The following DNMT3A variants were observed in gnomAD, a reference collection of about 807,000 sequenced individuals.
DNMT3A encodes the protein DNA methyltransferase 3 alpha, also known as DNA (cytosine-5)-methyltransferase 3A.
A neutral mutation model predicts 117.6 loss-of-function variants in DNMT3A; 267 were observed. The ratio of observed to expected loss-of-function variants is 2.27; its 90% CI spans 2.05 to 2.51. DNMT3A has a LOEUF of 2.51. Among genes scored for constraint, DNMT3A ranks in the 30% most tolerant of loss-of-function variants. DNMT3A has a pLI of 0.00. For synonymous variants in DNMT3A, 432 were observed against 474.8 expected, an observed-to-expected ratio of 0.91 and a Z score of 1.17; for missense variants, 1,029 against 1,260.2, an observed-to-expected ratio of 0.82 and a Z score of 2.78.
At chr2:25,326,406 T>C (rs1198575727) in intron 1 of DNMT3A, among the ~76,000 whole-genome samples, 4 of 152,132 alleles carry the variant, frequency 2.6e-5, no homozygotes, top group Non-Finnish European at 5.9e-5. Context: ...TTTGTTTTTG[T>C]ATGGGAGTTC....
chr2:25,276,734 T>C (rs2031443804), intron 4 of DNMT3A, among the ~76,000 whole-genome samples: 1 of 152,260 alleles, frequency 6.6e-6, no homozygotes, highest in South Asian at 2.1e-4. Flanking sequence ...TGAGCTTCTT[T>C]GTCGGGAACC....
chr2:25,261,009 G>A (rs1357928842), intron 6 of DNMT3A, among the ~76,000 whole-genome samples: 2 of 151,502 alleles, frequency 1.3e-5, no homozygotes, highest in Non-Finnish European at 2.9e-5. Context: ...AAAAATTAAC[G>A]TAGGCCCGGC....
In DNMT3A at chr2:25,286,198, C is replaced by G. The variant is rs555015059; in HGVS notation, c.178-3487G>C. ...GACTGCTGGCTCCGTAGCATAGAGA[C>G]CTATGAGGGCCGGCTCTGAGGCCCA... On this transcript the variant is annotated intron_variant, in intron 3 of 22. Transcript: ENST00000321117. This position sits in a 1 kb window ranked among gnomAD's most constrained non-coding sequence, Gnocchi z 4.3. 6.6e-6 allele frequency among the ~76,000 whole-genome samples: 1 copy of G among 152,216 alleles called. No individual in the cohort carries two copies. Among genetic ancestry groups the G allele is most frequent in the Non-Finnish European group, 1.5e-5 (1 of 68,042 alleles).
chr2:25,243,446 C>T (rs558235901), intron 16 of DNMT3A, among the ~76,000 whole-genome samples: 29 of 152,138 alleles, frequency 1.9e-4, no homozygotes, highest in African/African-American at 5.3e-4. Context: ...TAAACACAAA[C>T]GCACAGAAAA....
At chr2:25,316,856 C>T (rs1006015153) in intron 1 of DNMT3A, among the ~76,000 whole-genome samples, 2 of 141,492 alleles carry the variant, frequency 1.4e-5, no homozygotes, top group African/African-American at 5.4e-5. Flanking sequence ...CTTTTAGAGT[C>T]CACAGTGACC....
intron 3 of DNMT3A, among the ~76,000 whole-genome samples, chr2:25,290,320 A>ATTTTTTTTTTTTTT (rs1249490029): frequency 4.0e-5 from 5 of 126,506 alleles, no homozygotes; most frequent in Non-Finnish European, 5.0e-5. Flanking sequence ...TATGGAAGTG[A>ATTTTTTTTTTTTTT]TTTTTTTTTT....
intron 6 of DNMT3A, among the ~76,000 whole-genome samples, chr2:25,267,860 G>C (rs2149354656): frequency 6.6e-6 from 1 of 152,294 alleles, no homozygotes; most frequent in South Asian, 2.1e-4. Context: ...AATGGGTAGA[G>C]GCAGAAAACA....
At chr2:25,314,964 TG>T (rs1219304215) in intron 1 of DNMT3A, among the ~76,000 whole-genome samples, 1 of 152,052 alleles carries the variant, frequency 6.6e-6, no homozygotes, top group Admixed American at 6.5e-5. Flanking sequence ...ACAGCTGGGG[TG>T]GGGGTGTTGC....
chr2:25,241,819 G>A, intron 16 of DNMT3A, 112 bp from the exon 17 acceptor site: 2 of 1,394,250 alleles, frequency 1.4e-6, no homozygotes, highest in Non-Finnish European at 1.9e-6. Flanking sequence ...GTAGGCCCAA[G>A]TCCTATCTTT....
intron 3 of DNMT3A, among the ~76,000 whole-genome samples, chr2:25,292,598 G>A (rs545169019): frequency 3.3e-5 from 5 of 152,250 alleles, no homozygotes; most frequent in South Asian, 2.1e-4. Context: ...CGCCGCACCC[G>A]ACATGATTTC....
At position 25,311,358 on chromosome 2, in the gene DNMT3A, C is replaced by G. The variant is rs891650845; in HGVS notation, c.72+2555G>C. Among the ~76,000 whole-genome samples the G allele has an allele frequency of 6.6e-6, 1 of 152,200 alleles. No homozygotes were observed. Among genetic ancestry groups the G allele is most frequent in the Non-Finnish European group, 1.5e-5 (1 of 68,022 alleles). On this transcript the variant is annotated intron_variant, in intron 2 of 22. Coordinates refer to ENST00000321117, the MANE Select transcript of DNMT3A (RefSeq NM_022552.5). This position sits in a 1 kb window ranked among gnomAD's most constrained non-coding sequence, Gnocchi z 5.2. ...CCGCAGGCCTGGCTTTCATGGGCTG[C>G]TGTGGTGGCTGTCAGTGTCTCTCCC...
chr2:25,332,220 G>A (rs1231778438), intron 1 of DNMT3A, among the ~76,000 whole-genome samples: 6 of 152,164 alleles, frequency 3.9e-5, no homozygotes, highest in African/African-American at 9.6e-5. Flanking sequence ...CATGTCCCCC[G>A]GCCCAGGCCC....
intron 2 of DNMT3A, among the ~76,000 whole-genome samples, chr2:25,309,613 G>A (rs1012520847): frequency 2.0e-5 from 3 of 152,248 alleles, no homozygotes; most frequent in African/African-American, 7.2e-5. Flanking sequence ...GAGCGCAGAA[G>A]CCAGCCTCAT....
intron 1 of DNMT3A, among the ~76,000 whole-genome samples, chr2:25,325,963 T>C (rs1000880659): frequency 1.3e-5 from 2 of 152,220 alleles, no homozygotes; most frequent in Non-Finnish European, 2.9e-5. Context: ...CATGACCTGC[T>C]AAGGCTCTGG....
At chr2:25,333,578 G>A (rs909688881) in intron 1 of DNMT3A, among the ~76,000 whole-genome samples, 17 of 152,086 alleles carry the variant, frequency 1.1e-4, no homozygotes, top group Admixed American at 2.0e-4. Context: ...TGATCCACCC[G>A]CCTCGGCCTC....
chr2:25,315,538 C>T (rs1006087381), intron 1 of DNMT3A, among the ~76,000 whole-genome samples: 33 of 152,190 alleles, frequency 2.2e-4, no homozygotes, highest in African/African-American at 8.0e-4. Context: ...GCCCGGGTCC[C>T]GAGAGGGTGG....
At chr2:25,284,645 T>TAAAAAAAAAAAAA (rs56901099) in intron 3 of DNMT3A, among the ~76,000 whole-genome samples, 30 of 16,646 alleles carry the variant, frequency 1.8e-3, no homozygotes, top group Non-Finnish European at 2.5e-3. Context: ...AGACTCCATC[T>TAAAAAAAAAAAAA]AAAAAAAAAA....
In DNMT3A at chr2:25,246,358, C is replaced by G. The variant is rs779930479; in HGVS notation, c.1280-49G>C. On this transcript the variant is annotated intron_variant, in intron 10 of 22. Transcript: ENST00000321117. ...AGGTCAGTTACAGGCTGACAGGAAA[C>G]TCCAGCCCCTTCCCCCACCCTCCTT... 2.6e-6 allele frequency: 4 copies of G among 1,550,942 alleles called. No individual in the cohort carries two copies. The South Asian group carries it at 4.9e-5, about 19-fold the overall frequency.
Position 25,240,707 on chromosome 2 carries a change from A to T in DNMT3A, c.2106T>A (p.Asp702Glu). The T allele has an allele frequency of 6.2e-7, 1 of 1,614,170 alleles. No individual in the cohort carries two copies. The highest frequency in any genetic ancestry group is 8.5e-7 in the Non-Finnish European group (1 of 1,180,026). ...QKHIQEWGPF[D>E]LVIGGSPCND... is the part of the protein sequence containing the mutation. The stretch of plus-strand genomic sequence containing the variant: ...TGCAGGGACTGCCCCCAATCACCAG[A>T]TCGAATGGGCCCCACTCCTGGATCT... Residue 702 changes from aspartate to glutamate, a missense_variant, in exon 18 of 23, where the codon GAT (aspartate) becomes GAA (glutamate). Asp to Glu is a conservative substitution (Grantham distance 45). Transcript: ENST00000321117.
Sources: gnomAD v4.1 joint callset for allele counts (sites outside exome capture counted in the v4.1 genomes callset) on GRCh38, gnomAD v4.1.1 for gene constraint, Gnocchi (gnomAD v3.1) non-coding constraint, MANE v1.5 for transcripts, NCBI Gene and HGNC (gene_info 2026-07-23, HGNC 2026-07-21) for gene names.